Variants in LRMDA observed in about 807,000 individuals in gnomAD.
The protein encoded by LRMDA is leucine-rich melanocyte differentiation-associated protein.
LRMDA carries 18 observed loss-of-function variants against 29.8 expected under a neutral mutation model. The ratio of observed to expected loss-of-function variants is 0.60; its 90% CI spans 0.42 to 0.90. The LOEUF (loss-of-function observed/expected upper bound fraction) is 0.90, where lower values mean the gene tolerates loss of function less well. Among genes scored for constraint, LRMDA ranks in the 40% least tolerant of loss-of-function variants. LRMDA has a pLI of 0.00. For missense variants in LRMDA, 273 were observed against 273.9 expected, an observed-to-expected ratio of 1.00 and a Z score of 0.02; for synonymous variants, 125 against 109.4, an observed-to-expected ratio of 1.14 and a Z score of -0.89.
At chr10:75,968,178 G>A (rs1402745296) in intron 2 of LRMDA, among the ~76,000 whole-genome samples, 1 of 152,078 alleles carries the variant, frequency 6.6e-6, no homozygotes, top group African/African-American at 2.4e-5. Context: ...AAAAGGATAG[G>A]CCTGTGAATC....
At chr10:75,769,882 C>T (rs1843217058) in intron 2 of LRMDA, among the ~76,000 whole-genome samples, 1 of 152,148 alleles carries the variant, frequency 6.6e-6, no homozygotes, top group Non-Finnish European at 1.5e-5. Context: ...ACTTGGGAAG[C>T]TGAGGCACGA....
At chr10:76,164,752 C>T (rs983263708) in intron 5 of LRMDA, among the ~76,000 whole-genome samples, 1 of 151,956 alleles carries the variant, frequency 6.6e-6, no homozygotes, top group African/African-American at 2.4e-5. Flanking sequence ...AAATAGGAAA[C>T]AATTTAATTT....
rs868624634 is a variant in LRMDA, at chr10:76,365,089, T to C, written c.601+40604T>C. ...ATATATATACACACACACACACATA[T>C]ATATATATATATATATATACACACA... On this transcript the variant is annotated intron_variant, in intron 6 of 6. Coordinates refer to ENST00000611255, the MANE Select transcript of LRMDA (RefSeq NM_001305581.2). Among the ~76,000 whole-genome samples, 20 of 20,414 alleles carry C rather than the reference T, an allele frequency of 9.8e-4. 1 individual carries two copies. Among genetic ancestry groups the C allele is most frequent in the Middle Eastern group, 0.036 (1 of 28 alleles). 13.4% of individuals were successfully genotyped at this position (20,414 alleles called of 152,430 possible).
intron 5 of LRMDA, among the ~76,000 whole-genome samples, chr10:76,216,123 A>G (rs1851724757): frequency 6.6e-6 from 1 of 152,208 alleles, no homozygotes; most frequent in Non-Finnish European, 1.5e-5. Context: ...GGAGGCCAAC[A>G]CAGGAAGATT....
intron 2 of LRMDA, among the ~76,000 whole-genome samples, chr10:75,750,254 G>C (rs1008215595): frequency 6.6e-6 from 1 of 151,102 alleles, no homozygotes; most frequent in East Asian, 2.0e-4. Context: ...CCGGGCGGGG[G>C]CTGCCCACCT....
chr10:75,873,211 A>G (rs193102716), intron 2 of LRMDA, among the ~76,000 whole-genome samples: 9 of 152,344 alleles, frequency 5.9e-5, no homozygotes, highest in Middle Eastern at 6.8e-3. Context: ...TGCCATTTCA[A>G]TTATTTGTAA....
chr10:76,444,426 G>A (rs1404685805), intron 6 of LRMDA, among the ~76,000 whole-genome samples: 3 of 152,188 alleles, frequency 2.0e-5, no homozygotes, highest in African/African-American at 7.2e-5. Context: ...GTTCAGTGTG[G>A]ATGTTTAAAG....
intron 2 of LRMDA, among the ~76,000 whole-genome samples, chr10:75,738,709 C>G (rs1052467050): frequency 1.3e-5 from 2 of 152,166 alleles, no homozygotes; most frequent in African/African-American, 4.8e-5. Flanking sequence ...GTTTGCCTGT[C>G]TTGCAGTTTA....
intron 2 of LRMDA, among the ~76,000 whole-genome samples, chr10:75,968,613 A>G (rs1012408928): frequency 6.6e-6 from 1 of 152,206 alleles, no homozygotes; most frequent in Non-Finnish European, 1.5e-5. Flanking sequence ...TACTTATCCA[A>G]TTAAACTAGG....
intron 2 of LRMDA, among the ~76,000 whole-genome samples, chr10:75,765,741 A>G (rs1843155310): frequency 6.6e-6 from 1 of 152,018 alleles, no homozygotes; most frequent in African/African-American, 2.4e-5. Context: ...TCACGTGCAG[A>G]ATGAAAAGGA....
intron 2 of LRMDA, among the ~76,000 whole-genome samples, chr10:75,928,780 C>G (rs1767837704): frequency 6.6e-6 from 1 of 152,110 alleles, no homozygotes; most frequent in Non-Finnish European, 1.5e-5. Flanking sequence ...CCTTGGGCCC[C>G]ACTTCCTCCA....
At chr10:75,807,373 G>A (rs1004946467) in intron 2 of LRMDA, among the ~76,000 whole-genome samples, 8 of 152,222 alleles carry the variant, frequency 5.3e-5, no homozygotes, top group South Asian at 2.1e-4. Flanking sequence ...TGCCTGGTGA[G>A]CGATGGGGCA....
chr10:76,289,713 C>G (rs756659377), intron 5 of LRMDA, among the ~76,000 whole-genome samples: 2 of 152,160 alleles, frequency 1.3e-5, no homozygotes, highest in African/African-American at 4.8e-5. Context: ...GTGGCTGTTT[C>G]TCAAATGTGC....
intron 2 of LRMDA, among the ~76,000 whole-genome samples, chr10:75,587,412 T>C (rs924516411): frequency 6.6e-6 from 1 of 152,204 alleles, no homozygotes; most frequent in Non-Finnish European, 1.5e-5. Context: ...AGAAATAATA[T>C]GCTGAGAAAA....
At chr10:76,486,003 A>G (rs1365929729) in intron 6 of LRMDA, among the ~76,000 whole-genome samples, 1 of 151,920 alleles carries the variant, frequency 6.6e-6, no homozygotes, top group Admixed American at 6.6e-5. Context: ...TTATTCAGTT[A>G]TCCTGTTGTG....
chr10:76,094,002 G>A (rs1409670395), intron 5 of LRMDA, among the ~76,000 whole-genome samples: 2 of 152,216 alleles, frequency 1.3e-5, no homozygotes, highest in Non-Finnish European at 2.9e-5. Context: ...GCCACAGGCT[G>A]TACCACACAG....
rs538216460 is a variant in LRMDA, at chr10:75,821,069, G to A, written c.132-214939G>A. Among the ~76,000 whole-genome samples, 6 of 152,194 alleles carry A rather than the reference G, an allele frequency of 3.9e-5. No homozygotes were observed. The South Asian group carries it at 8.3e-4, about 21-fold the overall frequency. Reference sequence around the variant, plus strand: ...TCCAGGACCAGATGGGTTCATAGCCGAATTTTACCAGACATACAAGGAAGA... The same window carrying A: ...TCCAGGACCAGATGGGTTCATAGCCAAATTTTACCAGACATACAAGGAAGA... On this transcript the variant is annotated intron_variant, in intron 2 of 6. Transcript: ENST00000611255.
intron 5 of LRMDA, among the ~76,000 whole-genome samples, chr10:76,271,185 A>G (rs1173192837): frequency 6.6e-6 from 1 of 152,166 alleles, no homozygotes; most frequent in Non-Finnish European, 1.5e-5. Flanking sequence ...AGGTGGGTGA[A>G]CTGCATTAAC....
At chr10:76,495,024 G>A (rs1000518212) in intron 6 of LRMDA, among the ~76,000 whole-genome samples, 5 of 151,766 alleles carry the variant, frequency 3.3e-5, no homozygotes, top group Admixed American at 3.3e-4. Context: ...GCTCTAGTAT[G>A]TCACATTTTC....
Sources: gnomAD v4.1 joint callset for allele counts (sites outside exome capture counted in the v4.1 genomes callset) on GRCh38, gnomAD v4.1.1 for gene constraint, MANE v1.5 for transcripts, NCBI Gene and HGNC (gene_info 2026-07-23, HGNC 2026-07-21) for gene names.